Variants in UBE2E1 observed in about 807,000 individuals in gnomAD.
UBE2E1 encodes the protein ubiquitin conjugating enzyme E2 E1.
Under a neutral mutation model 21.4 loss-of-function variants are expected in UBE2E1, and 6 were observed. The ratio of observed to expected loss-of-function variants is 0.28; its 90% confidence interval spans 0.15 to 0.55. The LOEUF is 0.55. UBE2E1 is among the 20% of genes least tolerant of loss of function. The pLI is 0.93. For synonymous variants in UBE2E1, 87 were observed against 82.7 expected (o/e 1.05, Z -0.28); for missense variants, 142 against 236.5 (o/e 0.60, Z 2.62).
chr3:23,819,571 T>TTATATCTTTA (rs1261380255), intron 3 of UBE2E1, among the ~76,000 whole-genome samples: 11 of 152,226 alleles, frequency 7.2e-5, no homozygotes, highest in Non-Finnish European at 1.5e-4. Flanking sequence ...GTAGGGATTA[T>TTATATCTTTA]TATGTCTTTA....
chr3:23,878,911 ACCC>A (rs1461674910), intron 3 of UBE2E1: 1 of 353,510 alleles, frequency 2.8e-6, no homozygotes, highest in African/African-American at 2.1e-5. Context: ...AAACCATCCC[ACCC>A]CCCATCTGTG....
At position 23,822,517 on chromosome 3, in the gene UBE2E1, T is replaced by C. The variant is rs1699666230; in HGVS notation, c.203+11007T>C. Among the ~76,000 whole-genome samples the C allele has an allele frequency of 2.0e-5, 3 of 152,298 alleles. No individual in the cohort carries two copies. The South Asian group carries it at 6.2e-4, about 32-fold the overall frequency. ...CACCAAAAAAAGTTAACTTCTACTT[T>C]ACGAGATTCAAGTCCTTTGTGATCT... On this transcript the variant is annotated intron_variant, in intron 3 of 5. Transcript: ENST00000306627.
intron 4 of UBE2E1, 55 bp from the exon 5 acceptor site, chr3:23,889,057 T>C: frequency 6.5e-7 from 1 of 1,529,382 alleles, no homozygotes. Flanking sequence ...CAGTTGAATA[T>C]TTAGTAACAA....
chr3:23,849,345 C>A (rs1303516127), intron 3 of UBE2E1, among the ~76,000 whole-genome samples: 1 of 151,898 alleles, frequency 6.6e-6, no homozygotes, highest in Middle Eastern at 3.2e-3. Flanking sequence ...TTTTAAATTT[C>A]TTTTTGAATT....
At chr3:23,868,341 C>G (rs959390865) in intron 3 of UBE2E1, among the ~76,000 whole-genome samples, 3 of 151,588 alleles carry the variant, frequency 2.0e-5, no homozygotes, top group African/African-American at 7.3e-5. Context: ...ATGGAGTCTC[C>G]CTCTGTTGCT....
chr3:23,860,680 C>A (rs549371381), intron 3 of UBE2E1, among the ~76,000 whole-genome samples: 3 of 152,286 alleles, frequency 2.0e-5, no homozygotes, highest in African/African-American at 7.2e-5. Flanking sequence ...GTGTTTCTTT[C>A]CCATACACTT....
intron 3 of UBE2E1, among the ~76,000 whole-genome samples, chr3:23,813,497 T>A (rs1451335108): frequency 6.6e-6 from 1 of 152,194 alleles, no homozygotes; most frequent in Non-Finnish European, 1.5e-5. Context: ...TATTTAGTAT[T>A]TTAATGTACT....
At chr3:23,850,389 T>C (rs1385921944) in intron 3 of UBE2E1, among the ~76,000 whole-genome samples, 1 of 152,220 alleles carries the variant, frequency 6.6e-6, no homozygotes, top group Non-Finnish European at 1.5e-5. Flanking sequence ...GTTGTCTTTT[T>C]ATTTTCTTGA....
chr3:23,833,047 AAAAG>A (rs948343439), intron 3 of UBE2E1, among the ~76,000 whole-genome samples: 8 of 152,176 alleles, frequency 5.3e-5, no homozygotes, highest in African/African-American at 1.9e-4. Flanking sequence ...AAGTGGGAGA[AAAAG>A]AAAAATATAA....
chr3:23,851,688 G>C (rs1211395847), intron 3 of UBE2E1, among the ~76,000 whole-genome samples: 2 of 152,192 alleles, frequency 1.3e-5, no homozygotes, highest in African/African-American at 4.8e-5. Context: ...TGTAGTGCCA[G>C]CTAGTCAAGA....
At chr3:23,835,319 T>C (rs1699954110) in intron 3 of UBE2E1, among the ~76,000 whole-genome samples, 1 of 152,002 alleles carries the variant, frequency 6.6e-6, no homozygotes, top group Non-Finnish European at 1.5e-5. Context: ...AATTTAAAAA[T>C]TAGCTAGATG....
chr3:23,807,354 C>G lies in UBE2E1; in HGVS notation c.85C>G (p.Pro29Ala). Residue 29 changes from proline to alanine, a missense_variant, in exon 2 of 6, where the codon CCC becomes GCC. Coordinates refer to ENST00000306627, the MANE Select transcript of UBE2E1 (RefSeq NM_003341.5). Reference protein sequence around the residue: ...NQQTEKETNTPKKKESKVSMS... With the variant: ...NQQTEKETNTAKKKESKVSMS... ...GCAAACCGAGAAAGAAACAAACACC[C>G]CCAAGAAGAAGGAGAGTAAAGTCAG... 3 of 1,613,926 alleles carry G rather than the reference C, an allele frequency of 1.9e-6. No homozygotes were observed. The highest frequency in any genetic ancestry group is 2.5e-6 in the Non-Finnish European group (3 of 1,179,944).
At chr3:23,833,055 A>C (rs1699903273) in intron 3 of UBE2E1, among the ~76,000 whole-genome samples, 1 of 152,088 alleles carries the variant, frequency 6.6e-6, no homozygotes, top group Non-Finnish European at 1.5e-5. Context: ...GAAAAAGAAA[A>C]ATATAAAGTA....
chr3:23,878,947 C>A, intron 3 of UBE2E1: 1 of 392,010 alleles, frequency 2.6e-6, no homozygotes, highest in South Asian at 2.1e-5. Context: ...TCCACAAAAG[C>A]AGCCCCTGGT....
intron 3 of UBE2E1, among the ~76,000 whole-genome samples, chr3:23,825,222 C>CA (rs1699730063): frequency 6.6e-6 from 1 of 152,136 alleles, no homozygotes; most frequent in Non-Finnish European, 1.5e-5. Flanking sequence ...GGGCAGTCTC[C>CA]AACCTGCCCC....
intron 3 of UBE2E1, among the ~76,000 whole-genome samples, chr3:23,820,059 A>C (rs1699614993): frequency 6.6e-6 from 1 of 152,180 alleles, no homozygotes; most frequent in Admixed American, 6.5e-5. Flanking sequence ...GTTCCTAGAG[A>C]TGGTCCCCCA....
At chr3:23,824,132 A>G (rs1699702979) in intron 3 of UBE2E1, among the ~76,000 whole-genome samples, 1 of 152,230 alleles carries the variant, frequency 6.6e-6, no homozygotes, top group Non-Finnish European at 1.5e-5. Flanking sequence ...TCTACATTTT[A>G]CTGTAACTAT....
At chr3:23,850,968 G>A (rs564476276) in intron 3 of UBE2E1, among the ~76,000 whole-genome samples, 1 of 151,682 alleles carries the variant, frequency 6.6e-6, no homozygotes, top group East Asian at 1.9e-4. Context: ...TTACAGGCAT[G>A]AGCCACCATG....
intron 2 of UBE2E1, chr3:23,811,089 C>G (rs1283811715): frequency 4.2e-5 from 10 of 239,320 alleles, no homozygotes; most frequent in Admixed American, 1.5e-4. Flanking sequence ...TCCCACGCAC[C>G]GATGGCTGTG....
Sources: allele counts gnomAD v4.1 joint callset (sites outside exome capture counted in the v4.1 genomes callset), GRCh38; gene constraint gnomAD v4.1.1; transcripts MANE v1.5; gene names NCBI Gene and HGNC (gene_info 2026-07-23, HGNC 2026-07-21).